Variants in SF3A3 observed in about 807,000 individuals in gnomAD.
SF3A3 encodes the protein SAP 61.
A neutral mutation model predicts 85.8 loss-of-function variants in SF3A3; 9 were observed. The ratio of observed to expected loss-of-function variants is 0.10; its 90% confidence interval spans 0.06 to 0.18. SF3A3 has a LOEUF of 0.18. Among genes scored for constraint, SF3A3 ranks in the 10% least tolerant of loss-of-function variants. The probability of loss-of-function intolerance (pLI) is 1.00; values close to 1 mark genes in which losing one functional copy is unlikely to be tolerated. For missense variants in SF3A3, 306 were observed against 593.3 expected, an observed-to-expected ratio of 0.52 and a Z score of 5.03; for synonymous variants, 195 against 204.4, an observed-to-expected ratio of 0.95 and a Z score of 0.39.
intron 6 of SF3A3, among the ~76,000 whole-genome samples, chr1:37,983,362 T>C (rs111672218): frequency 6.6e-6 from 1 of 150,616 alleles, no homozygotes; most frequent in African/African-American, 2.4e-5. Flanking sequence ...GACAGACGGA[T>C]TGCTTGAGCT....
intron 6 of SF3A3, among the ~76,000 whole-genome samples, chr1:37,983,508 G>A (rs1646434210): frequency 7.3e-6 from 1 of 136,970 alleles, no homozygotes; most frequent in Non-Finnish European, 1.5e-5. Context: ...CATCACTTGA[G>A]TCCAAGAGGT....
intron 15 of SF3A3, among the ~76,000 whole-genome samples, chr1:37,966,364 C>T (rs1259034599): frequency 1.3e-5 from 2 of 152,218 alleles, no homozygotes; most frequent in Non-Finnish European, 2.9e-5. Flanking sequence ...CATTCCCTGA[C>T]ATGCACTCCG....
intron 4 of SF3A3, 68 bp from the exon 5 acceptor site, chr1:37,984,847 G>GA: frequency 7.5e-7 from 1 of 1,324,844 alleles, no homozygotes; most frequent in South Asian, 1.2e-5. Flanking sequence ...TCACTCTGTG[G>GA]CCCAGGCTGG....
chr1:37,958,480 C>T (rs938337872), intron 16 of SF3A3, among the ~76,000 whole-genome samples: 5 of 152,192 alleles, frequency 3.3e-5, no homozygotes, highest in South Asian at 4.1e-4. Context: ...TAACTTCTCT[C>T]GTAGACATCT....
Position 37,990,004 on chromosome 1 carries a change from A to C in SF3A3, c.-39T>G. 5 of 1,487,364 alleles carry C rather than the reference A, an allele frequency of 3.4e-6. No homozygotes were observed. The highest frequency in any genetic ancestry group is 4.7e-6 in the Non-Finnish European group (5 of 1,074,010). 92.1% of individuals were successfully genotyped at this position (1,487,364 alleles called of 1,614,324 possible). On this transcript the variant is annotated 5_prime_UTR_variant, in exon 1 of 17. Transcript: ENST00000373019. Reference sequence around the variant, plus strand: ...CGGCTTCTCAATTCAGACCACCAACACGGCCGGAAGCAACTCCTGCCGCCC... The same window carrying C: ...CGGCTTCTCAATTCAGACCACCAACCCGGCCGGAAGCAACTCCTGCCGCCC...
At chr1:37,970,249 G>A (rs963807158) in intron 12 of SF3A3, among the ~76,000 whole-genome samples, 2 of 150,160 alleles carry the variant, frequency 1.3e-5, no homozygotes, top group Non-Finnish European at 2.9e-5. Context: ...AGGATGCAGT[G>A]AGCTCTGATC....
intron 7 of SF3A3, among the ~76,000 whole-genome samples, chr1:37,980,943 G>A (rs538816794): frequency 2.7e-5 from 4 of 148,132 alleles, no homozygotes; most frequent in African/African-American, 7.5e-5. Flanking sequence ...TCCGCCTCCC[G>A]GGTTAAAGCG....
At chr1:37,965,520 G>A (rs1330042250) in intron 15 of SF3A3, among the ~76,000 whole-genome samples, 1 of 151,866 alleles carries the variant, frequency 6.6e-6, no homozygotes, top group Admixed American at 6.6e-5. Flanking sequence ...TTCGGAGGCT[G>A]AGACAGGCAG....
chr1:37,983,986 G>T, intron 6 of SF3A3, 183 bp downstream of exon 6: 1 of 439,646 alleles, frequency 2.3e-6, no homozygotes, highest in Non-Finnish European at 4.0e-6. Context: ...TGTTTTCACT[G>T]TAGAAAACTT....
rs1439861550 is a variant in SF3A3 at position 37,957,266 on chromosome 1, G to C, written c.*920C>G. 6.6e-6 allele frequency: 1 copy of C among 152,070 alleles called. No individual in the cohort carries two copies. Among genetic ancestry groups the C allele is most frequent in the Non-Finnish European group, 1.5e-5 (1 of 68,030 alleles). The allele number at this position is 152,070 out of a possible 1,614,324, so 9.4% of individuals were successfully genotyped here. ...AATAGGGATCTTGTAGAAGAAACAG[G>C]TAGACAGACCCACCAGTCTCTCATT... On this transcript the variant is annotated 3_prime_UTR_variant, in exon 17 of 17. Transcript: ENST00000373019.
chr1:37,967,846 G>A (rs1363235885), intron 15 of SF3A3, among the ~76,000 whole-genome samples, 198 bp downstream of exon 15: 1 of 152,024 alleles, frequency 6.6e-6, no homozygotes, highest in Non-Finnish European at 1.5e-5. Flanking sequence ...GCGACAGAGC[G>A]AGACTCCATC....
Position 37,984,723 on chromosome 1 carries a change from T to G in SF3A3, c.360A>C (p.Pro120=), listed in dbSNP as rs1243958368. Residue 120 remains proline, a synonymous_variant, in exon 5 of 17, where the codon CCA becomes CCC. Coordinates refer to ENST00000373019, the MANE Select transcript of SF3A3 (RefSeq NM_006802.4). ...CCTACTTACTTTGTGCCTCTTCACT[T>G]GGATTCTCTCGAGCCTTCAGGAGTT... The part of the protein sequence containing the change: ...FEELLKAREN[P]SEEAQNLVEF... The G allele has an allele frequency of 6.2e-7, 1 of 1,613,574 alleles. No individual in the cohort carries two copies.
intron 14 of SF3A3, among the ~76,000 whole-genome samples, chr1:37,969,019 TA>T: frequency 6.6e-6 from 1 of 152,256 alleles, no homozygotes; most frequent in South Asian, 2.1e-4. Flanking sequence ...TTATCTTGAG[TA>T]TTAGCAATGG....
At chr1:37,959,441 A>C (rs1279129428) in intron 16 of SF3A3, among the ~76,000 whole-genome samples, 2 of 146,154 alleles carry the variant, frequency 1.4e-5, no homozygotes, top group Non-Finnish European at 3.0e-5. Flanking sequence ...ACAGGGTCTT[A>C]CTCTGTCACC....
Position 37,978,993 on chromosome 1 carries a change from A to G in SF3A3, c.822T>C (p.Cys274=). The change falls in exon 10 of 17, where the codon TGT becomes TGC. Residue 274 remains cysteine (C), a synonymous_variant. Coordinates refer to ENST00000373019, the MANE Select transcript of SF3A3 (RefSeq NM_006802.4). ...KSALLALGLK[C]GGTLEERAQR... is the part of the protein sequence containing the mutation. ...ATAGAAAAACTATTCCTTACCCGCCACATTTCAAGCCTAAAGCTAAGAGAG... is the reference window on the plus strand; with the variant it reads ...ATAGAAAAACTATTCCTTACCCGCCGCATTTCAAGCCTAAAGCTAAGAGAG... The G allele has an allele frequency of 3.7e-6, 6 of 1,613,758 alleles. No individual in the cohort carries two copies. The highest frequency in any genetic ancestry group is 5.1e-6 in the Non-Finnish European group (6 of 1,179,602).
At chr1:37,984,398 C>A (rs748495509) in intron 5 of SF3A3, 138 bp from the exon 6 acceptor site, 2 of 630,718 alleles carry the variant, frequency 3.2e-6, no homozygotes, top group Admixed American at 5.3e-5. Flanking sequence ...ACAATATAAC[C>A]TCCAATAAGT....
At chr1:37,979,641 A>C (rs1309739383) in intron 8 of SF3A3, 108 bp from the exon 9 acceptor site, 10 of 689,880 alleles carry the variant, frequency 1.4e-5, no homozygotes, top group South Asian at 8.0e-5. Flanking sequence ...GAATTGCTTG[A>C]GTTCAGGAGT....
At chr1:37,961,720 C>T (rs1646259735) in intron 15 of SF3A3, among the ~76,000 whole-genome samples, 1 of 114,576 alleles carries the variant, frequency 8.7e-6, no homozygotes, top group Admixed American at 1.2e-4. Context: ...CTTCAAGAAT[C>T]TAACCAAGAA....
In SF3A3 at chr1:37,957,809, G is replaced by C. The variant is rs558912959; in HGVS notation, c.*377C>G. On this transcript the variant is annotated 3_prime_UTR_variant, in exon 17 of 17. Transcript: ENST00000373019. ...ATTCAGGGAAGCAGCAACAAAGGAGGGTGGGGAAAGAGGTCAGGTCAGATT... is the reference window on the plus strand; with the variant it reads ...ATTCAGGGAAGCAGCAACAAAGGAGCGTGGGGAAAGAGGTCAGGTCAGATT... The C allele has an allele frequency of 1.7e-5, 3 of 174,570 alleles. No homozygotes were observed. Among genetic ancestry groups the C allele is most frequent in the Non-Finnish European group, 2.4e-5 (2 of 82,600 alleles). 10.8% of individuals were successfully genotyped at this position (174,570 alleles called of 1,614,324 possible).
Sources: gnomAD v4.1 joint callset for allele counts (sites outside exome capture counted in the v4.1 genomes callset) on GRCh38, gnomAD v4.1.1 for gene constraint, MANE v1.5 for transcripts, NCBI Gene and HGNC (gene_info 2026-07-23, HGNC 2026-07-21) for gene names.